SLC22A15: variants seen among roughly 807,000 people sequenced by gnomAD.
The protein encoded by SLC22A15 is solute carrier family 22 member 15.
A neutral mutation model predicts 62.7 loss-of-function variants in SLC22A15; 45 were observed. The observed-to-expected ratio is 0.72, with a 90% CI of 0.56 to 0.92. SLC22A15 has a LOEUF of 0.92. Among genes scored for constraint, SLC22A15 ranks in the 40% least tolerant of loss-of-function variants. The probability of loss-of-function intolerance (pLI) is 0.00; values close to 1 mark genes in which losing one functional copy is unlikely to be tolerated. For synonymous variants in SLC22A15, 264 were observed against 267.0 expected (o/e 0.99, Z 0.11); for missense variants, 622 against 665.6 (o/e 0.93, Z 0.72).
chr1:116,050,055 A>C (rs1658011081), intron 8 of SLC22A15, among the ~76,000 whole-genome samples: 1 of 152,142 alleles, frequency 6.6e-6, no homozygotes, highest in Non-Finnish European at 1.5e-5. Context: ...AGGAATAATT[A>C]GATACCCTGA....
At chr1:115,999,761 C>T (rs1043759189) in intron 2 of SLC22A15, among the ~76,000 whole-genome samples, 10 of 152,092 alleles carry the variant, frequency 6.6e-5, no homozygotes, top group Admixed American at 2.0e-4. Flanking sequence ...GCCTCCACCC[C>T]GCAAAGTGCT....
chr1:116,067,230 G>A lies in SLC22A15; in HGVS notation c.*122G>A. The A allele has an allele frequency of 2.8e-6, 2 of 726,292 alleles. No homozygotes were observed. Among genetic ancestry groups the A allele is most frequent in the East Asian group, 2.7e-5 (1 of 37,196 alleles). The allele number at this position is 726,292 out of a possible 1,614,324, so 45.0% of individuals were successfully genotyped here. A position where few individuals can be genotyped will look rare whatever the true frequency, so the allele number is the denominator to read the frequency against. Reference sequence around the variant, plus strand: ...AGGCTTGGCTTGAATGTACATAGATGGTACCTGGCATGGACTGATGTTTTT... The same window carrying A: ...AGGCTTGGCTTGAATGTACATAGATAGTACCTGGCATGGACTGATGTTTTT... On this transcript the variant is annotated 3_prime_UTR_variant, in exon 12 of 12. Coordinates refer to ENST00000369503, the MANE Select transcript of SLC22A15 (RefSeq NM_018420.3).
intron 8 of SLC22A15, among the ~76,000 whole-genome samples, chr1:116,060,969 G>C (rs1374585391): frequency 6.6e-6 from 1 of 152,196 alleles, no homozygotes; most frequent in African/African-American, 2.4e-5. Context: ...TTATAGTTAA[G>C]CAGGGAAGGT....
chr1:116,053,555 G>A (rs1490453221), intron 8 of SLC22A15, among the ~76,000 whole-genome samples: 3 of 152,076 alleles, frequency 2.0e-5, no homozygotes, highest in Admixed American at 6.6e-5. Flanking sequence ...TACAGAGAAC[G>A]CCACTAAAAT....
At chr1:116,062,003 G>A (rs1340201352) in intron 8 of SLC22A15, among the ~76,000 whole-genome samples, 1 of 152,162 alleles carries the variant, frequency 6.6e-6, no homozygotes, top group Non-Finnish European at 1.5e-5. Flanking sequence ...GAGGTCAGGA[G>A]GTCAAGACCA....
At chr1:115,994,284 A>C (rs1655311946) in intron 2 of SLC22A15, among the ~76,000 whole-genome samples, 1 of 152,248 alleles carries the variant, frequency 6.6e-6, no homozygotes, top group Non-Finnish European at 1.5e-5. Context: ...GGATTGTGAT[A>C]TATGTAAAAT....
intron 5 of SLC22A15, among the ~76,000 whole-genome samples, chr1:116,029,096 G>C (rs1225678183): frequency 6.6e-6 from 1 of 152,166 alleles, no homozygotes; most frequent in East Asian, 1.9e-4. Context: ...ACCAAAGCCA[G>C]GGGTTTCCAC....
At chr1:116,052,221 G>T (rs933101815) in intron 8 of SLC22A15, among the ~76,000 whole-genome samples, 1 of 152,136 alleles carries the variant, frequency 6.6e-6, no homozygotes, top group South Asian at 2.1e-4. Context: ...CTTTTCTGAC[G>T]GGCTTAGGAA....
chr1:116,001,292 T>G (rs1370620321), intron 2 of SLC22A15, among the ~76,000 whole-genome samples: 1 of 152,138 alleles, frequency 6.6e-6, no homozygotes, highest in Non-Finnish European at 1.5e-5. Flanking sequence ...AGTTTGATTA[T>G]TAAATGTCTT....
chr1:116,035,328 G>C lies in SLC22A15; in HGVS notation c.1085+1G>C. 6.2e-7 allele frequency: 1 copy of C among 1,610,950 alleles called. No individual in the cohort carries two copies. Among genetic ancestry groups the C allele is most frequent in the Non-Finnish European group, 8.5e-7 (1 of 1,178,410 alleles). On this transcript the variant is annotated splice_donor_variant, in intron 7 of 11. Coordinates refer to ENST00000369503, the MANE Select transcript of SLC22A15 (RefSeq NM_018420.3). LOFTEE classifies it high-confidence loss of function. Reference sequence around the variant, plus strand: ...GTATCTACTTGATTAACCAAAAATGGTGAGTAAGTGTGGATGAATATGAAG... The same window carrying C: ...GTATCTACTTGATTAACCAAAAATGCTGAGTAAGTGTGGATGAATATGAAG...
At chr1:116,039,493 A>T (rs1184295970) in intron 8 of SLC22A15, among the ~76,000 whole-genome samples, 2 of 152,156 alleles carry the variant, frequency 1.3e-5, no homozygotes, top group Admixed American at 6.5e-5. Context: ...AGATGGTGCC[A>T]TTGTATTCCA....
chr1:116,011,786 A>G (rs1656271310), intron 2 of SLC22A15, among the ~76,000 whole-genome samples: 1 of 152,020 alleles, frequency 6.6e-6, no homozygotes, highest in Non-Finnish European at 1.5e-5. Flanking sequence ...GGAGGTGGGG[A>G]TGCAAGTGGG....
intron 2 of SLC22A15, among the ~76,000 whole-genome samples, chr1:116,013,238 A>G (rs1196046669): frequency 2.0e-5 from 3 of 152,148 alleles, no homozygotes; most frequent in African/African-American, 7.2e-5. Flanking sequence ...TTGTTCCCCA[A>G]GCACACAGGC....
At chr1:116,055,689 G>A (rs35828833) in intron 8 of SLC22A15, among the ~76,000 whole-genome samples, 14,944 of 151,260 alleles carry the variant, frequency 0.099, 895 homozygotes, top group African/African-American at 0.15. Flanking sequence ...CAGCAGCACA[G>A]CAAAAAGCTT....
chr1:116,019,722 A>C lies in SLC22A15; in HGVS notation c.433+8A>C, dbSNP rs781089080. On this transcript the variant is annotated splice_region_variant and intron_variant, in intron 3 of 11. Coordinates refer to ENST00000369503, the MANE Select transcript of SLC22A15 (RefSeq NM_018420.3). ...AAAAAGTCTATCTCACAGGTAATCTATTAGAGTATTCATAAACTGGATGAG... is the reference window on the plus strand; with the variant it reads ...AAAAAGTCTATCTCACAGGTAATCTCTTAGAGTATTCATAAACTGGATGAG... 3 of 1,603,216 alleles carry C rather than the reference A, an allele frequency of 1.9e-6. 1 individual carries two copies. The South Asian group carries it at 3.4e-5, about 18-fold the overall frequency.
intron 1 of SLC22A15, among the ~76,000 whole-genome samples, chr1:115,984,145 T>C (rs1557869141): frequency 6.6e-6 from 1 of 152,202 alleles, no homozygotes; most frequent in Admixed American, 6.5e-5. Context: ...ATGTGAAAAC[T>C]AGCAAGGGGT....
chr1:116,018,103 A>G (rs545202570), intron 2 of SLC22A15, among the ~76,000 whole-genome samples: 11 of 152,320 alleles, frequency 7.2e-5, no homozygotes, highest in Admixed American at 3.3e-4. Context: ...CATTGCCACT[A>G]TTCATCTCCA....
chr1:116,014,978 G>A (rs142587201), intron 2 of SLC22A15: 3 of 152,126 alleles, frequency 2.0e-5, no homozygotes, highest in African/African-American at 7.2e-5. Context: ...ATACTATAGG[G>A]ATCAATATCC....
chr1:116,065,323 C>T (rs79549001), intron 10 of SLC22A15, among the ~76,000 whole-genome samples: 3,622 of 152,242 alleles, frequency 0.024, 144 homozygotes, highest in African/African-American at 0.083. Context: ...GTATCTCTCT[C>T]CATGTCTCAT....
Sources: allele counts gnomAD v4.1 joint callset (sites outside exome capture counted in the v4.1 genomes callset), GRCh38; gene constraint gnomAD v4.1.1; transcripts MANE v1.5; gene names NCBI Gene and HGNC (gene_info 2026-07-23, HGNC 2026-07-21).